The following MAPK4 variants were observed in gnomAD, a reference collection of about 807,000 sequenced individuals.
MAPK4 encodes mitogen-activated protein kinase 4.
Under a neutral mutation model 47.7 loss-of-function variants are expected in MAPK4, and 22 were observed. The ratio of observed to expected loss-of-function variants is 0.46; its 90% confidence interval spans 0.33 to 0.66. The LOEUF (loss-of-function observed/expected upper bound fraction) is 0.66, where lower values mean the gene tolerates loss of function less well. Ranked by LOEUF, MAPK4 falls within the 30% of genes least tolerant of loss-of-function variation. The pLI is 0.02. For synonymous variants in MAPK4, 390 were observed against 365.7 expected (o/e 1.07, Z -0.76); for missense variants, 736 against 831.7 (o/e 0.88, Z 1.42).
chr18:50,591,012 A>G (rs2042432209), intron 1 of MAPK4, among the ~76,000 whole-genome samples: 1 of 152,176 alleles, frequency 6.6e-6, no homozygotes, highest in South Asian at 2.1e-4. Flanking sequence ...AAATCAGGAC[A>G]TTTTCCTCAA....
intron 2 of MAPK4, among the ~76,000 whole-genome samples, chr18:50,708,461 G>C (rs201707813): frequency 7.2e-5 from 11 of 152,162 alleles, no homozygotes; most frequent in African/African-American, 2.7e-4. Flanking sequence ...GACCATCTAG[G>C]AACTTGCTGG....
chr18:50,666,639 T>G (rs1375010283), intron 2 of MAPK4, among the ~76,000 whole-genome samples: 1 of 152,166 alleles, frequency 6.6e-6, no homozygotes, highest in Non-Finnish European at 1.5e-5. Context: ...TAGAGGAATT[T>G]TGATGTTCTG....
chr18:50,641,217 G>A (rs2042938344), intron 1 of MAPK4, among the ~76,000 whole-genome samples: 1 of 152,100 alleles, frequency 6.6e-6, no homozygotes, highest in Admixed American at 6.5e-5. Flanking sequence ...AATATAAAAA[G>A]AGGGCTGGAC....
At chr18:50,683,021 C>A (rs759533098) in intron 2 of MAPK4, among the ~76,000 whole-genome samples, 19 of 152,082 alleles carry the variant, frequency 1.2e-4, no homozygotes, top group Non-Finnish European at 2.5e-4. Flanking sequence ...CTAGAAAATG[C>A]AAACTAATCT....
At chr18:50,717,985 G>T (rs772865597) in intron 3 of MAPK4, among the ~76,000 whole-genome samples, 46 of 152,202 alleles carry the variant, frequency 3.0e-4, no homozygotes, top group Non-Finnish European at 7.3e-5. Flanking sequence ...GGAGGCAGGG[G>T]GAGAAAGTCA....
chr18:50,589,781 T>A (rs1453308682), intron 1 of MAPK4, among the ~76,000 whole-genome samples: 1 of 152,216 alleles, frequency 6.6e-6, no homozygotes, highest in Non-Finnish European at 1.5e-5. Context: ...CTGAGCATGC[T>A]TTTGTTAGCT....
chr18:50,693,209 C>T lies in MAPK4; in HGVS notation c.547-21870C>T, dbSNP rs569277955. Among the ~76,000 whole-genome samples, 170 of 151,976 alleles carry T rather than the reference C, an allele frequency of 1.1e-3. 1 individual carries two copies. Among genetic ancestry groups the T allele is most frequent in the African/African-American group, 3.8e-3 (157 of 41,440 alleles). The stretch of plus-strand genomic sequence containing the variant: ...GGGAGGTGGAGGTTGCAGTGAGCCA[C>T]GATAGCACCACTGCACTCCAGCCTA... On this transcript the variant is annotated intron_variant, in intron 2 of 5. Coordinates refer to ENST00000400384, the MANE Select transcript of MAPK4 (RefSeq NM_002747.4).
chr18:50,719,019 G>T (rs144261861), intron 3 of MAPK4, among the ~76,000 whole-genome samples: 1 of 147,776 alleles, frequency 6.8e-6, no homozygotes, highest in Non-Finnish European at 1.5e-5. Context: ...GGACGGTGGA[G>T]GTTCCAGTGA....
At chr18:50,665,595 C>T (rs975944648) in intron 2 of MAPK4, among the ~76,000 whole-genome samples, 2 of 152,198 alleles carry the variant, frequency 1.3e-5, no homozygotes, top group African/African-American at 4.8e-5. Context: ...TCCTTTAGCA[C>T]CCCCACATAG....
intron 1 of MAPK4, among the ~76,000 whole-genome samples, chr18:50,595,228 T>A (rs529980971): frequency 6.6e-6 from 1 of 152,322 alleles, no homozygotes. Flanking sequence ...AACGTGTCCA[T>A]AAAATGACTC....
Position 50,686,029 on chromosome 18 carries a change from T to TC in MAPK4, c.546+21525_546+21526insC, listed in dbSNP as rs545942192. Among the ~76,000 whole-genome samples the TC allele has an allele frequency of 4.8e-3, 735 of 151,868 alleles. 2 individuals carry two copies. The highest frequency in any genetic ancestry group is 0.017 in the African/African-American group (684 of 41,384). ...CAGCCAGCCCCCTAGAAAGGCCCCC[T>TC]AGAAGTAACTCACCTGAGGTGATGG... is the stretch of plus-strand genomic sequence containing the variant. On this transcript the variant is annotated intron_variant, in intron 2 of 5. Transcript: ENST00000400384.
At chr18:50,714,047 T>G (rs943664968) in intron 2 of MAPK4, among the ~76,000 whole-genome samples, 1 of 152,234 alleles carries the variant, frequency 6.6e-6, no homozygotes, top group Admixed American at 6.5e-5. Flanking sequence ...CCTGGCCTTC[T>G]TAACTTTTCA....
chr18:50,631,970 C>T (rs1410920578), intron 1 of MAPK4, among the ~76,000 whole-genome samples: 3 of 152,164 alleles, frequency 2.0e-5, no homozygotes, highest in Non-Finnish European at 2.9e-5. Flanking sequence ...ACAAAGTGAA[C>T]TTGGAAAGTG....
At chr18:50,594,124 C>A (rs1432900952) in intron 1 of MAPK4, among the ~76,000 whole-genome samples, 8 of 152,220 alleles carry the variant, frequency 5.3e-5, no homozygotes, top group Non-Finnish European at 1.2e-4. Context: ...AGGCATCCAG[C>A]ATGGGAGAAA....
chr18:50,567,656 G>C (rs747346573), intron 1 of MAPK4, among the ~76,000 whole-genome samples: 7 of 152,056 alleles, frequency 4.6e-5, no homozygotes, highest in Non-Finnish European at 1.0e-4. Context: ...AAGTAAAGGT[G>C]TCTTTATTGC....
At chr18:50,718,058 G>A (rs2144452855) in intron 3 of MAPK4, among the ~76,000 whole-genome samples, 1 of 152,288 alleles carries the variant, frequency 6.6e-6, no homozygotes, top group Admixed American at 6.5e-5. Flanking sequence ...AGCCCTAGAA[G>A]GGGCCCAGGA....
chr18:50,622,930 T>C (rs937609809), intron 1 of MAPK4, among the ~76,000 whole-genome samples: 1 of 152,204 alleles, frequency 6.6e-6, no homozygotes, highest in African/African-American at 2.4e-5. Context: ...AGATACATAG[T>C]CTCATTTCAC....
At chr18:50,591,374 A>G (rs926361042) in intron 1 of MAPK4, among the ~76,000 whole-genome samples, 3 of 151,818 alleles carry the variant, frequency 2.0e-5, no homozygotes, top group Admixed American at 1.3e-4. Flanking sequence ...TCTTCCATCA[A>G]TCCTGCCTCT....
chr18:50,708,265 G>A (rs1910163570), intron 2 of MAPK4, among the ~76,000 whole-genome samples: 1 of 152,194 alleles, frequency 6.6e-6, no homozygotes, highest in South Asian at 2.1e-4. Context: ...CAGAAGAGAG[G>A]CTGTATATGT....
Sources: allele counts gnomAD v4.1 joint callset (sites outside exome capture counted in the v4.1 genomes callset), GRCh38; gene constraint gnomAD v4.1.1; transcripts MANE v1.5; gene names NCBI Gene and HGNC (gene_info 2026-07-23, HGNC 2026-07-21).